The following MTMR2 variants were observed in gnomAD, a reference collection of about 807,000 sequenced individuals.
The protein encoded by MTMR2 is myotubularin related protein 2.
MTMR2 carries 55 observed loss-of-function variants against 86.9 expected under a neutral mutation model. The ratio of observed to expected loss-of-function variants is 0.63; its 90% CI spans 0.51 to 0.79. The LOEUF is 0.79. MTMR2 is among the 30% of genes least tolerant of loss of function. The probability of loss-of-function intolerance (pLI) is 0.00; values close to 1 mark genes in which losing one functional copy is unlikely to be tolerated. For synonymous variants in MTMR2, 241 were observed against 266.8 expected (o/e 0.90, Z 0.94); for missense variants, 659 against 772.3 (o/e 0.85, Z 1.74).
intron 1 of MTMR2, among the ~76,000 whole-genome samples, chr11:95,889,518 G>A (rs368202152): frequency 7.5e-6 from 1 of 134,228 alleles, no homozygotes; most frequent in African/African-American, 2.7e-5. Flanking sequence ...TCTTTTTTGG[G>A]GGGGGAGGGG....
At chr11:95,872,659 G>T (rs1474058075) in intron 2 of MTMR2, among the ~76,000 whole-genome samples, 2 of 152,136 alleles carry the variant, frequency 1.3e-5, no homozygotes, top group Non-Finnish European at 2.9e-5. Context: ...TGTTGAATAG[G>T]AGTGGTGAGA....
At chr11:95,841,766 A>G in intron 11 of MTMR2, 57 bp from the exon 12 acceptor site, 1 of 1,377,496 alleles carries the variant, frequency 7.3e-7, no homozygotes, top group South Asian at 1.2e-5. Context: ...GTTTTGATGG[A>G]AATAATTTTT....
At chr11:95,903,817 TA>T (rs1221197677) in intron 1 of MTMR2, among the ~76,000 whole-genome samples, 1 of 152,128 alleles carries the variant, frequency 6.6e-6, no homozygotes, top group African/African-American at 2.4e-5. Flanking sequence ...ATATTGCCAT[TA>T]AATACCCCTC....
Position 95,836,207 on chromosome 11 carries a change from G to A in MTMR2, c.1711C>T (p.Arg571Cys), listed in dbSNP as rs748336978. 2.5e-6 allele frequency: 4 copies of A among 1,612,778 alleles called. No individual in the cohort carries two copies. Among genetic ancestry groups the A allele is most frequent in the Non-Finnish European group, 3.4e-6 (4 of 1,179,080 alleles). ...NHVLYPVASMRHLELWVGYYI... is the reference protein window; with the variant it reads ...NHVLYPVASMCHLELWVGYYI... ...TATCCCACCCAGAGCTCTAGGTGGC[G>A]CATGCTGGCTACTGGATAAAGGACA... The change falls in exon 14 of 15, where the codon CGC (arginine) becomes TGC (cysteine). Residue 571 changes from arginine to cysteine, a missense_variant. This residue lies in a region of MTMR2 where 193 missense variants were observed against 191.6 expected (regional missense o/e 1.01). Coordinates refer to ENST00000346299, the MANE Select transcript of MTMR2 (RefSeq NM_016156.6).
intron 2 of MTMR2, among the ~76,000 whole-genome samples, chr11:95,885,067 T>C (rs183111009): frequency 1.3e-5 from 2 of 152,064 alleles, no homozygotes; most frequent in Non-Finnish European, 2.9e-5. Flanking sequence ...AAGGCACTAA[T>C]GGGGATACAT....
rs547331711 is a variant in MTMR2, at chr11:95,894,502, A to G, written c.81-6241T>C. Among the ~76,000 whole-genome samples, 192 of 152,312 alleles carry G rather than the reference A, an allele frequency of 1.3e-3. 2 individuals carry two copies. Among genetic ancestry groups the G allele is most frequent in the African/African-American group, 4.3e-3 (178 of 41,576 alleles). On this transcript the variant is annotated intron_variant, in intron 1 of 14. Coordinates refer to ENST00000346299, the MANE Select transcript of MTMR2 (RefSeq NM_016156.6). ...GGTTAGTTACATAAATAAAATTATA[A>G]CGGCAAAAGTTCGAAGGCAAGAACT... is the stretch of plus-strand genomic sequence containing the variant.
chr11:95,883,673 T>A (rs1404126899), intron 2 of MTMR2, among the ~76,000 whole-genome samples: 1 of 152,152 alleles, frequency 6.6e-6, no homozygotes, highest in African/African-American at 2.4e-5. Context: ...CAAATATAAT[T>A]CCACTTGAAA....
chr11:95,853,800 G>A (rs1282342733), intron 7 of MTMR2, among the ~76,000 whole-genome samples: 1 of 152,170 alleles, frequency 6.6e-6, no homozygotes, highest in African/African-American at 2.4e-5. Context: ...ATGCATGAAT[G>A]AATAAATCAG....
intron 10 of MTMR2, among the ~76,000 whole-genome samples, chr11:95,846,710 T>C (rs1484085682): frequency 6.6e-6 from 1 of 152,168 alleles, no homozygotes; most frequent in Non-Finnish European, 1.5e-5. Flanking sequence ...TATCTGGAGT[T>C]TTCAGAATCA....
chr11:95,920,620 A>G (rs1394981969), intron 1 of MTMR2, among the ~76,000 whole-genome samples: 1 of 151,858 alleles, frequency 6.6e-6, no homozygotes, highest in African/African-American at 2.4e-5. Context: ...AGAAGGCATA[A>G]CTGGAGACAA....
At chr11:95,896,716 G>A (rs1481885613) in intron 1 of MTMR2, among the ~76,000 whole-genome samples, 1 of 152,014 alleles carries the variant, frequency 6.6e-6, no homozygotes, top group African/African-American at 2.4e-5. Flanking sequence ...AAAGAAATCT[G>A]TGAAAGGAGG....
In MTMR2 at chr11:95,835,431, G is replaced by A; in HGVS notation, c.1791C>T (p.Tyr597=). ...MKPQEPIHNR[Y]KELLAKRAEL... is the part of the protein sequence containing the mutation. ...CTGCTCGTTTAGCAAGAAGTTCTTTGTATCTGTTGTGAATAGGTTCCTGCA... is the reference window on the plus strand; with the variant it reads ...CTGCTCGTTTAGCAAGAAGTTCTTTATATCTGTTGTGAATAGGTTCCTGCA... The change falls in exon 15 of 15, where the codon TAC becomes TAT. Residue 597 remains tyrosine (Y), a synonymous_variant. Transcript: ENST00000346299. The A allele has an allele frequency of 1.9e-6, 3 of 1,612,774 alleles. No homozygotes were observed. The highest frequency in any genetic ancestry group is 2.5e-6 in the Non-Finnish European group (3 of 1,179,198).
At chr11:95,875,354 C>T (rs1355391503) in intron 2 of MTMR2, among the ~76,000 whole-genome samples, 5 of 152,124 alleles carry the variant, frequency 3.3e-5, no homozygotes, top group Non-Finnish European at 7.3e-5. Flanking sequence ...TTTGATCTTC[C>T]ATCACTGATA....
chr11:95,905,096 T>C lies in MTMR2; in HGVS notation c.81-16835A>G, dbSNP rs114872188. On this transcript the variant is annotated intron_variant, in intron 1 of 14. Coordinates refer to ENST00000346299, the MANE Select transcript of MTMR2 (RefSeq NM_016156.6). The stretch of plus-strand genomic sequence containing the variant: ...TCCACACTTGACTTCCAGAACTCTA[T>C]ACTCTTACGGTTTTTCTCCTATTCC... Among the ~76,000 whole-genome samples the C allele has an allele frequency of 4.6e-3, 708 of 152,264 alleles. 5 individuals are homozygous for C. The highest frequency in any genetic ancestry group is 0.016 in the African/African-American group (683 of 41,556).
intron 1 of MTMR2, chr11:95,923,557 GA>G (rs1333508014): frequency 4.3e-6 from 3 of 694,964 alleles, no homozygotes; most frequent in Non-Finnish European, 2.0e-6. Context: ...GGGGCGGGGG[GA>G]ACTGTCTTAA....
intron 11 of MTMR2, among the ~76,000 whole-genome samples, chr11:95,843,248 C>T (rs898530229): frequency 1.3e-5 from 2 of 151,994 alleles, no homozygotes; most frequent in Non-Finnish European, 2.9e-5. Context: ...CTGACAAAAC[C>T]AATGGTGATG....
At chr11:95,859,613 T>C (rs1458048663) in intron 5 of MTMR2, among the ~76,000 whole-genome samples, 1 of 152,198 alleles carries the variant, frequency 6.6e-6, no homozygotes, top group African/African-American at 2.4e-5. Context: ...ACATGAATTG[T>C]TACAAGTTCA....
At chr11:95,909,240 CTA>C (rs1450962342) in intron 1 of MTMR2, among the ~76,000 whole-genome samples, 3 of 152,044 alleles carry the variant, frequency 2.0e-5, no homozygotes, top group Non-Finnish European at 4.4e-5. Context: ...AAATTACTCT[CTA>C]TATGCTTTTC....
chr11:95,883,353 T>A (rs1865403740), intron 2 of MTMR2, among the ~76,000 whole-genome samples: 1 of 152,232 alleles, frequency 6.6e-6, no homozygotes, highest in Admixed American at 6.5e-5. Context: ...TTCAGAAATA[T>A]GTTTTAGTAA....
Sources: allele counts gnomAD v4.1 joint callset (sites outside exome capture counted in the v4.1 genomes callset), GRCh38; gene constraint gnomAD v4.1.1; regional missense constraint gnomAD v4.1.1; transcripts MANE v1.5; gene names NCBI Gene and HGNC (gene_info 2026-07-23, HGNC 2026-07-21).